Variants in UBN1 observed in about 807,000 individuals in gnomAD.
UBN1 encodes ubinuclein 1, also known as ubinuclein-1.
In UBN1, 17 loss-of-function variants were observed where a neutral mutation model predicts 108.5. That is an observed-to-expected ratio of 0.16 (90% CI 0.11 to 0.24). The LOEUF (loss-of-function observed/expected upper bound fraction) is 0.24, where lower values mean the gene tolerates loss of function less well. UBN1 is among the 10% of genes least tolerant of loss of function. The pLI is 1.00. For missense variants in UBN1, 1,595 were observed against 1,394.4 expected (o/e 1.14, Z -2.29); for synonymous variants, 726 against 564.2 (o/e 1.29, Z -4.07).
intron 7 of UBN1, among the ~76,000 whole-genome samples, chr16:4,862,425 G>A (rs1212946831): frequency 2.0e-5 from 3 of 152,226 alleles, no homozygotes; most frequent in Non-Finnish European, 2.9e-5. Flanking sequence ...ATTGTACCAT[G>A]TTGGGGTTTG....
At chr16:4,860,521 C>T in intron 6 of UBN1, 143 bp from the exon 7 acceptor site, 1 of 867,806 alleles carries the variant, frequency 1.2e-6, no homozygotes, top group South Asian at 1.7e-5. Flanking sequence ...CTCCATATGC[C>T]AAGAGGAGGG....
intron 15 of UBN1, 118 bp downstream of exon 15, chr16:4,875,552 T>TG: frequency 7.1e-7 from 1 of 1,412,436 alleles, no homozygotes; most frequent in South Asian, 1.4e-5. Context: ...GTAGGAACAG[T>TG]GGGCTCAGAC....
intron 7 of UBN1, among the ~76,000 whole-genome samples, chr16:4,866,761 C>T (rs986296913): frequency 6.6e-6 from 1 of 152,238 alleles, no homozygotes; most frequent in African/African-American, 2.4e-5. Flanking sequence ...TTCCGCCCAC[C>T]TTGGCCTCCC....
intron 2 of UBN1, among the ~76,000 whole-genome samples, chr16:4,855,010 C>T (rs1814116746): frequency 6.6e-6 from 1 of 152,204 alleles, no homozygotes; most frequent in Admixed American, 6.5e-5. Flanking sequence ...GCGTGAGCCA[C>T]CGTGCCTGGC....
Position 4,847,527 on chromosome 16 carries a change from T to G in UBN1, c.-723T>G. The G allele has an allele frequency of 2.1e-6, 1 of 485,420 alleles. No individual in the cohort carries two copies. The highest frequency in any genetic ancestry group is 3.6e-6 in the Non-Finnish European group (1 of 278,964). 30.1% of individuals were successfully genotyped at this position (485,420 alleles called of 1,614,324 possible). A position where few individuals can be genotyped will look rare whatever the true frequency, so the allele number is the denominator to read the frequency against. ...GCTCGTGACAACGAAGCGCCCGCGGTCTGAGGCGGCGGCGGCGGCGACGGT... is the reference window on the plus strand; with the variant it reads ...GCTCGTGACAACGAAGCGCCCGCGGGCTGAGGCGGCGGCGGCGGCGACGGT... On this transcript the variant is annotated 5_prime_UTR_variant, in exon 1 of 18. Transcript: ENST00000262376.
chr16:4,848,918 C>G (rs529610543), intron 1 of UBN1, among the ~76,000 whole-genome samples: 3 of 152,040 alleles, frequency 2.0e-5, no homozygotes, highest in Non-Finnish European at 4.4e-5. Flanking sequence ...CTGGCCAACA[C>G]GGTCAAACCC....
rs1344713502 is a variant in UBN1 at position 4,881,822 on chromosome 16, G to A, written c.*1690G>A. 6.6e-6 allele frequency: 1 copy of A among 152,282 alleles called. No homozygotes were observed. Among genetic ancestry groups the A allele is most frequent in the Non-Finnish European group, 1.5e-5 (1 of 68,008 alleles). 9.4% of individuals were successfully genotyped at this position (152,282 alleles called of 1,614,324 possible). On this transcript the variant is annotated 3_prime_UTR_variant, in exon 18 of 18. Transcript: ENST00000262376. ...GTAGTAGCAAAAGAGCCAAAGAAGA[G>A]ATTTGTATTGCTGAGCTCAAAGCCA...
In UBN1 at chr16:4,860,706, A is replaced by G. The variant is rs748340331; in HGVS notation, c.714A>G (p.Lys238=). Residue 238 remains lysine (K), a synonymous_variant, in exon 7 of 18, where the codon AAA becomes AAG. Transcript: ENST00000262376. The part of the protein sequence containing the change: ...LNASKEKKKK[K]YSGALSVKEM... Reference sequence around the variant, plus strand: ...CCAGTAAGGAGAAGAAGAAGAAGAAATATTCTGGGGCTTTAAGCGTTAAAG... The same window carrying G: ...CCAGTAAGGAGAAGAAGAAGAAGAAGTATTCTGGGGCTTTAAGCGTTAAAG... The G allele has an allele frequency of 9.3e-6, 15 of 1,613,482 alleles. No homozygotes were observed. The highest frequency in any genetic ancestry group is 3.3e-4 in the Middle Eastern group (2 of 6,084).
In UBN1 at chr16:4,852,928, C is replaced by T. The variant is rs747689569; in HGVS notation, c.11C>T (p.Pro4Leu). The T allele has an allele frequency of 6.2e-7, 1 of 1,613,692 alleles. No homozygotes were observed. Among genetic ancestry groups the T allele is most frequent in the South Asian group, 1.1e-5 (1 of 91,048 alleles). The change falls in exon 2 of 18, where the codon CCC becomes CTC. Residue 4 changes from proline to leucine, a missense_variant. This residue lies in a region of UBN1 where 181 missense variants were observed against 157.3 expected (regional missense o/e 1.15). Transcript: ENST00000262376. Reference sequence around the variant, plus strand: ...GACTTGTTGGTAGCCATGTCGGAGCCCCACAGGGTCCAGTTCACCTCTCTC... The same window carrying T: ...GACTTGTTGGTAGCCATGTCGGAGCTCCACAGGGTCCAGTTCACCTCTCTC... MSE[P>L]HRVQFTSLPG...
rs986809220 is a variant in UBN1 at position 4,872,435 on chromosome 16, T to C, written c.1707-449T>C. The C allele has an allele frequency of 3.0e-5, 22 of 730,860 alleles. No homozygotes were observed. In the African/African-American group the frequency reaches 4.5e-4, roughly 15 times the overall value. The allele number at this position is 730,860 out of a possible 1,614,324, so 45.3% of individuals were successfully genotyped here. On this transcript the variant is annotated intron_variant, in intron 12 of 17. Coordinates refer to ENST00000262376, the MANE Select transcript of UBN1 (RefSeq NM_001079514.3). ...ACCAGGAATTTGGCTCCCCAATCCA[T>C]TGACCTTTTTTTTTGTGTGTGTGGG... is the stretch of plus-strand genomic sequence containing the variant.
intron 1 of UBN1, among the ~76,000 whole-genome samples, chr16:4,851,203 C>G (rs1295441605): frequency 1.3e-5 from 2 of 152,168 alleles, no homozygotes; most frequent in East Asian, 3.8e-4. Context: ...GAAAAAATAT[C>G]TATAAATGAC....
chr16:4,872,702 C>G (rs886318927), intron 12 of UBN1, among the ~76,000 whole-genome samples, 182 bp from the exon 13 acceptor site: 1 of 152,142 alleles, frequency 6.6e-6, no homozygotes, highest in African/African-American at 2.4e-5. Flanking sequence ...CTCCTGACCT[C>G]AGGTGATCCA....
In UBN1 at chr16:4,855,463, G is replaced by A. The variant is rs114796872; in HGVS notation, c.249+2297G>A. Among the ~76,000 whole-genome samples, 1,284 of 151,990 alleles carry A rather than the reference G, an allele frequency of 8.4e-3. 23 individuals are homozygous for A. Among genetic ancestry groups the A allele is most frequent in the African/African-American group, 0.029 (1,214 of 41,446 alleles). ...AACTCCATCTGTGCAAAATAATACA[G>A]AAATTAGCTGGGCATGATGGTGCAT... On this transcript the variant is annotated intron_variant, in intron 2 of 17. Coordinates refer to ENST00000262376, the MANE Select transcript of UBN1 (RefSeq NM_001079514.3).
At position 4,877,397 on chromosome 16, in the gene UBN1, G is replaced by T; in HGVS notation, c.3278G>T (p.Gly1093Val). 1 of 1,611,420 alleles carries T rather than the reference G, an allele frequency of 6.2e-7. No individual in the cohort carries two copies. The highest frequency in any genetic ancestry group is 8.5e-7 in the Non-Finnish European group (1 of 1,178,706). ...HHGLGHSLLA[G>V]LHSSPPHAAP... ...TGTTTTCTCTCAGGTCTTCTGGCTGGCTTGCACTCCAGCCCGCCCCATGCA... is the reference window on the plus strand; with the variant it reads ...TGTTTTCTCTCAGGTCTTCTGGCTGTCTTGCACTCCAGCCCGCCCCATGCA... Residue 1093 changes from glycine (G) to valine (V), a missense_variant, in exon 17 of 18, where the codon GGC (glycine) becomes GTC (valine). Physicochemically the swap from Gly to Val is moderately radical, Grantham distance 109 (BLOSUM62 -3). This residue lies in a region of UBN1 where 1,398 missense variants were observed against 1,194.7 expected (regional missense o/e 1.17). Transcript: ENST00000262376. The surrounding 1 kb of genome is among the most constrained non-coding windows in gnomAD (Gnocchi z 4.3).
rs765243720 is a variant in UBN1 at position 4,877,439 on chromosome 16, C to A, written c.3320C>A (p.Ala1107Asp). The A allele has an allele frequency of 6.2e-7, 1 of 1,612,408 alleles. No individual in the cohort carries two copies. The highest frequency in any genetic ancestry group is 1.1e-5 in the South Asian group (1 of 90,990). ...SPPHAAPLPH[A>D]AVPTHIPQSL... is the part of the protein sequence containing the mutation. ...CCCCATGCAGCGCCTCTCCCACACG[C>A]TGCGGTGCCCACCCATATCCCGCAG... Residue 1107 changes from alanine to aspartate, a missense_variant, in exon 17 of 18, where the codon GCT becomes GAT. Ala to Asp is a moderately radical substitution (Grantham distance 126). This residue lies in a region of UBN1 where 1,398 missense variants were observed against 1,194.7 expected (regional missense o/e 1.17). Transcript: ENST00000262376. This position sits in a 1 kb window ranked among gnomAD's most constrained non-coding sequence, Gnocchi z 4.3.
chr16:4,852,680 G>T (rs931785622), intron 1 of UBN1, 199 bp from the exon 2 acceptor site: 3 of 452,304 alleles, frequency 6.6e-6, no homozygotes, highest in Non-Finnish European at 7.7e-6. Flanking sequence ...AAGACTGGAA[G>T]TATGCTAAGC....
In UBN1 at chr16:4,870,531, G is replaced by A. The variant is rs1379951258; in HGVS notation, c.1327G>A (p.Glu443Lys). Residue 443 changes from glutamate to lysine, a missense_variant, in exon 10 of 18, where the codon GAG (glutamate) becomes AAG (lysine). Around this residue, in one of 3 missense-constraint regions of UBN1, gnomAD observed 1,398 missense variants for 1,194.7 expected, o/e 1.17. Transcript: ENST00000262376. The part of the protein sequence containing the change: ...HLYEQGGRLK[E>K]PLQKLKEAIG... Reference sequence around the variant, plus strand: ...CTCTTCGCAGGGGGGCCGTCTGAAGGAGCCTCTCCAGAAGCTCAAGGAAGC... The same window carrying A: ...CTCTTCGCAGGGGGGCCGTCTGAAGAAGCCTCTCCAGAAGCTCAAGGAAGC... 1 of 1,614,114 alleles carries A rather than the reference G, an allele frequency of 6.2e-7. No individual in the cohort carries two copies. The highest frequency in any genetic ancestry group is 8.5e-7 in the Non-Finnish European group (1 of 1,180,040).
At position 4,875,248 on chromosome 16, in the gene UBN1, C is replaced by T. The variant is rs2087824559; in HGVS notation, c.2838C>T (p.Thr946=). Reference sequence around the variant, plus strand: ...AGCCTCCCTCCGTGGGACAGGCCACCAGCCGACCCGTCCCAAGTTCAGCAG... The same window carrying T: ...AGCCTCCCTCCGTGGGACAGGCCACTAGCCGACCCGTCCCAAGTTCAGCAG... ...GIQPPSVGQA[T]SRPVPSSAGK... The change falls in exon 15 of 18, where the codon ACC becomes ACT. Residue 946 remains threonine, a synonymous_variant. Transcript: ENST00000262376. The T allele has an allele frequency of 6.2e-7, 1 of 1,614,244 alleles. No homozygotes were observed. The highest frequency in any genetic ancestry group is 8.5e-7 in the Non-Finnish European group (1 of 1,180,050).
intron 8 of UBN1, 117 bp from the exon 9 acceptor site, chr16:4,870,095 A>C: frequency 6.7e-7 from 1 of 1,488,196 alleles, no homozygotes; most frequent in Non-Finnish European, 9.1e-7. Context: ...TTGTGTGACC[A>C]ACAAGACAGG....
Sources: gnomAD v4.1 joint callset for allele counts (sites outside exome capture counted in the v4.1 genomes callset) on GRCh38, gnomAD v4.1.1 for gene constraint, gnomAD v4.1.1 regional missense constraint, Gnocchi (gnomAD v3.1) non-coding constraint, MANE v1.5 for transcripts, NCBI Gene and HGNC (gene_info 2026-07-23, HGNC 2026-07-21) for gene names.